The following NCAM2 variants were observed in gnomAD, a reference collection of about 807,000 sequenced individuals.
NCAM2 encodes the protein neural cell adhesion molecule 2.
NCAM2 carries 30 observed loss-of-function variants against 98.1 expected under a neutral mutation model. The ratio of observed to expected loss-of-function variants is 0.31; its 90% confidence interval spans 0.23 to 0.41. NCAM2 has a LOEUF of 0.41. NCAM2 is among the 10% of genes least tolerant of loss of function. NCAM2 has a pLI of 1.00. For missense variants in NCAM2, 867 were observed against 1,005.8 expected, an observed-to-expected ratio of 0.86 and a Z score of 1.87; for synonymous variants, 368 against 342.4, an observed-to-expected ratio of 1.07 and a Z score of -0.83.
chr21:21,473,689 T>C (rs1209650095), intron 14 of NCAM2, among the ~76,000 whole-genome samples: 2 of 151,934 alleles, frequency 1.3e-5, no homozygotes, highest in Non-Finnish European at 2.9e-5. Context: ...ATACATTTCA[T>C]GAGACTTCAA....
At chr21:21,535,201 TA>T (rs1989919529) in intron 17 of NCAM2, among the ~76,000 whole-genome samples, 1 of 152,082 alleles carries the variant, frequency 6.6e-6, no homozygotes, top group African/African-American at 2.4e-5. Flanking sequence ...ATAGCTCTGT[TA>T]AAACTATAGT....
At chr21:21,420,894 A>G (rs1368442595) in intron 11 of NCAM2, among the ~76,000 whole-genome samples, 1 of 151,978 alleles carries the variant, frequency 6.6e-6, no homozygotes, top group Non-Finnish European at 1.5e-5. Context: ...ACCAAAATGC[A>G]TAGATAATAA....
At chr21:21,139,534 C>T (rs6518087) in intron 1 of NCAM2, among the ~76,000 whole-genome samples, 64,313 of 151,978 alleles carry the variant, frequency 0.42, 14,147 homozygotes, top group African/African-American at 0.55. Context: ...AATTAATATA[C>T]AAACTAACCA....
At chr21:21,063,305 G>C (rs2065361572) in intron 1 of NCAM2, among the ~76,000 whole-genome samples, 1 of 129,520 alleles carries the variant, frequency 7.7e-6, no homozygotes, top group South Asian at 2.5e-4. Context: ...TGCAACCTCT[G>C]CCTCCTGGGT....
At chr21:21,353,147 C>T (rs145085212) in intron 8 of NCAM2, among the ~76,000 whole-genome samples, 2 of 152,228 alleles carry the variant, frequency 1.3e-5, no homozygotes, top group East Asian at 1.9e-4. Flanking sequence ...TGTTATGTTG[C>T]AATTACATTT....
chr21:21,458,202 C>G (rs950439048), intron 12 of NCAM2, among the ~76,000 whole-genome samples: 3 of 152,198 alleles, frequency 2.0e-5, no homozygotes, highest in African/African-American at 7.2e-5. Flanking sequence ...CAGCTGTGGC[C>G]CCACTGGGGC....
intron 1 of NCAM2, among the ~76,000 whole-genome samples, chr21:21,059,528 C>T (rs1018350574): frequency 1.3e-5 from 2 of 152,104 alleles, no homozygotes; most frequent in Non-Finnish European, 2.9e-5. Context: ...GGGAACCTAA[C>T]ATAAGAACCT....
At chr21:21,264,943 GTA>G (rs554315782) in intron 1 of NCAM2, among the ~76,000 whole-genome samples, 285 of 8,408 alleles carry the variant, frequency 0.034, 24 homozygotes, top group South Asian at 0.1. Flanking sequence ...ATATGTGTGT[GTA>G]TATATATGTG....
intron 1 of NCAM2, among the ~76,000 whole-genome samples, chr21:21,270,268 A>G (rs546642840): frequency 1.3e-5 from 2 of 152,278 alleles, no homozygotes; most frequent in African/African-American, 4.8e-5. Context: ...ATTAAATATC[A>G]CTCTCAAAGT....
At chr21:21,103,337 A>T (rs978358517) in intron 1 of NCAM2, among the ~76,000 whole-genome samples, 8 of 152,098 alleles carry the variant, frequency 5.3e-5, no homozygotes, top group Non-Finnish European at 1.0e-4. Context: ...AATTAAACTC[A>T]GGAAACTTAA....
At chr21:21,517,664 C>G (rs1347582942) in intron 16 of NCAM2, among the ~76,000 whole-genome samples, 8 of 152,080 alleles carry the variant, frequency 5.3e-5, no homozygotes, top group Non-Finnish European at 1.5e-5. Context: ...TCAAGACCAG[C>G]CTGGCCAACA....
intron 11 of NCAM2, among the ~76,000 whole-genome samples, chr21:21,419,610 G>A (rs1003247201): frequency 2.0e-5 from 3 of 148,526 alleles, no homozygotes; most frequent in African/African-American, 5.0e-5. Context: ...AACAGGCGGT[G>A]TTTGGTTTTT....
At chr21:21,295,313 C>G (rs1418413118) in intron 5 of NCAM2, among the ~76,000 whole-genome samples, 1 of 151,798 alleles carries the variant, frequency 6.6e-6, no homozygotes, top group Non-Finnish European at 1.5e-5. Context: ...AGCAATAATA[C>G]ATGTTTAGGA....
At chr21:21,137,219 A>T (rs1244870356) in intron 1 of NCAM2, among the ~76,000 whole-genome samples, 1 of 152,246 alleles carries the variant, frequency 6.6e-6, no homozygotes, top group East Asian at 1.9e-4. Flanking sequence ...AAAATTAAAA[A>T]TTAGAAAAAT....
chr21:21,237,022 A>G (rs2070859000), intron 1 of NCAM2, among the ~76,000 whole-genome samples: 1 of 152,120 alleles, frequency 6.6e-6, no homozygotes, highest in African/African-American at 2.4e-5. Flanking sequence ...TGCTAACGTT[A>G]GACTTCTGCT....
intron 1 of NCAM2, among the ~76,000 whole-genome samples, chr21:21,114,828 T>TC (rs1232798951): frequency 2.3e-4 from 1 of 4,342 alleles, no homozygotes; most frequent in East Asian, 0.05. Flanking sequence ...AATTCTGACT[T>TC]TTTTTTTTTT....
rs759246935 is a variant in NCAM2, at chr21:21,477,395, A to C, written c.2001A>C (p.Thr667=). ...QWTMGYEVQI[T]AANRLGYSEP... ...CCATGGGGTATGAAGTTCAGATTAC[A>C]GCTGCCAATAGATTGGGATATTCTG... Residue 667 remains threonine (T), a synonymous_variant, in exon 15 of 18, where the codon ACA becomes ACC. Transcript: ENST00000400546. The C allele has an allele frequency of 3.7e-6, 6 of 1,612,136 alleles. No individual in the cohort carries two copies. The Admixed American group carries it at 8.3e-5, about 22-fold the overall frequency.
intron 1 of NCAM2, among the ~76,000 whole-genome samples, chr21:21,042,608 A>G (rs552963499): frequency 6.6e-5 from 10 of 152,280 alleles, no homozygotes; most frequent in Admixed American, 5.2e-4. Flanking sequence ...TTGAGCTTTA[A>G]TCTTGCCATC....
intron 1 of NCAM2, among the ~76,000 whole-genome samples, chr21:21,140,899 C>T (rs571533259): frequency 6.6e-6 from 1 of 152,192 alleles, no homozygotes. Flanking sequence ...TCTAAGAAGG[C>T]TTACAGTGTG....
Sources: allele counts gnomAD v4.1 joint callset (sites outside exome capture counted in the v4.1 genomes callset), GRCh38; gene constraint gnomAD v4.1.1; transcripts MANE v1.5; gene names NCBI Gene and HGNC (gene_info 2026-07-23, HGNC 2026-07-21).